The following RAB6A variants were observed in gnomAD, a reference collection of about 807,000 sequenced individuals.
The protein encoded by RAB6A is ras-related protein Rab-6A.
Under a neutral mutation model 32.3 loss-of-function variants are expected in RAB6A, and 8 were observed. The ratio of observed to expected loss-of-function variants is 0.25; its 90% confidence interval spans 0.15 to 0.45. The LOEUF is 0.45. Ranked by LOEUF, RAB6A falls within the 20% of genes least tolerant of loss-of-function variation. The pLI, the probability that RAB6A is intolerant of heterozygous loss-of-function variation, is 1.00. For missense variants in RAB6A, 104 were observed against 249.4 expected (o/e 0.42, Z 3.93); for synonymous variants, 73 against 82.1 (o/e 0.89, Z 0.60).
intron 5 of RAB6A, among the ~76,000 whole-genome samples, chr11:73,711,550 T>C (rs1197155713): frequency 6.6e-6 from 1 of 152,210 alleles, no homozygotes; most frequent in African/African-American, 2.4e-5. Context: ...ATATTACAAA[T>C]AGTGCTAGGT....
chr11:73,723,288 G>GA (rs556321352), intron 2 of RAB6A, among the ~76,000 whole-genome samples: 1 of 150,882 alleles, frequency 6.6e-6, no homozygotes, highest in Non-Finnish European at 1.5e-5. Flanking sequence ...TACTGGGGGG[G>GA]AAAAAAAGAA....
Position 73,743,304 on chromosome 11 carries a change from C to CAAAA in RAB6A, c.71-12485_71-12482dup, listed in dbSNP as rs56400918. 3.7e-3 allele frequency among the ~76,000 whole-genome samples: 387 copies of CAAAA among 103,334 alleles called. 4 individuals are homozygous for CAAAA. Among genetic ancestry groups the CAAAA allele is most frequent in the South Asian group, 0.01 (34 of 3,332 alleles). The allele number at this position is 103,334 out of a possible 152,430, so 67.8% of individuals were successfully genotyped here. A position where few individuals can be genotyped will look rare whatever the true frequency, so the allele number is the denominator to read the frequency against. ...TGATCAACAGAGCGAAACTCTGTCTCAAAAAAAAAAAAAAAAAGAGAAAAA... is the reference window on the plus strand; with the variant it reads ...TGATCAACAGAGCGAAACTCTGTCTCAAAAAAAAAAAAAAAAAAAAAGAGAAAAA... On this transcript the variant is annotated intron_variant, in intron 1 of 7. Coordinates refer to ENST00000336083, the MANE Select transcript of RAB6A (RefSeq NM_198896.2).
chr11:73,712,916 C>T (rs1945985984), intron 5 of RAB6A, among the ~76,000 whole-genome samples: 3 of 151,962 alleles, frequency 2.0e-5, no homozygotes, highest in Admixed American at 1.3e-4. Flanking sequence ...CAGGGTTTCG[C>T]TATGTTGGCC....
chr11:73,693,320 AAAGGATTT>A (rs1249701077), intron 6 of RAB6A, among the ~76,000 whole-genome samples: 5 of 151,614 alleles, frequency 3.3e-5, no homozygotes, highest in African/African-American at 4.8e-5. Flanking sequence ...ATAAATAAAT[AAAGGATTT>A]AAGGATTTAA....
intron 4 of RAB6A, 135 bp downstream of exon 4, chr11:73,718,478 T>TG (rs1175802776): frequency 2.8e-6 from 2 of 725,062 alleles, no homozygotes; most frequent in East Asian, 5.5e-5. Flanking sequence ...ATTTCTGACC[T>TG]GGCTGGTATG....
At chr11:73,736,992 A>C (rs946889746) in intron 1 of RAB6A, among the ~76,000 whole-genome samples, 114 of 150,926 alleles carry the variant, frequency 7.6e-4, no homozygotes, top group African/African-American at 2.7e-3. Context: ...AAAAAAAAAA[A>C]AAAAAGAAGA....
intron 1 of RAB6A, among the ~76,000 whole-genome samples, chr11:73,758,962 AT>A (rs1232760011): frequency 3.3e-5 from 5 of 152,156 alleles, no homozygotes; most frequent in East Asian, 1.9e-4. Context: ...GGGAGATTGT[AT>A]TTTTCCCCCC....
At chr11:73,702,182 G>T (rs1294628068) in intron 6 of RAB6A, among the ~76,000 whole-genome samples, 2 of 151,980 alleles carry the variant, frequency 1.3e-5, no homozygotes, top group Non-Finnish European at 2.9e-5. Context: ...TTTGTTTATT[G>T]AGACAGTCTT....
chr11:73,750,156 A>C (rs1324067538), intron 1 of RAB6A, among the ~76,000 whole-genome samples: 1 of 152,206 alleles, frequency 6.6e-6, no homozygotes, highest in African/African-American at 2.4e-5. Context: ...TTTCATCTCA[A>C]AAGTAAAGTT....
At chr11:73,690,509 C>CT (rs1311471558) in intron 6 of RAB6A, among the ~76,000 whole-genome samples, 1 of 151,736 alleles carries the variant, frequency 6.6e-6, no homozygotes, top group Non-Finnish European at 1.5e-5. Flanking sequence ...CCTCAGCCTC[C>CT]TGAGTAGCTA....
intron 6 of RAB6A, among the ~76,000 whole-genome samples, chr11:73,680,085 G>A (rs187775994): frequency 3.4e-4 from 52 of 151,934 alleles, no homozygotes; most frequent in Admixed American, 1.4e-3. Flanking sequence ...GCAACAGGGC[G>A]AGACTCTGTC....
intron 6 of RAB6A, among the ~76,000 whole-genome samples, chr11:73,680,073 G>A (rs1241655497): frequency 1.3e-5 from 2 of 152,074 alleles, no homozygotes; most frequent in African/African-American, 2.4e-5. Context: ...ACTCCAGCCC[G>A]GGCAACAGGG....
intron 6 of RAB6A, among the ~76,000 whole-genome samples, chr11:73,696,245 T>G (rs1008562580): frequency 2.2e-4 from 33 of 152,216 alleles, no homozygotes; most frequent in African/African-American, 7.7e-4. Context: ...TCACCCAGGC[T>G]GGAGTGCAGT....
At position 73,678,089 on chromosome 11, in the gene RAB6A, A is replaced by G. The variant is rs895084930; in HGVS notation, c.563-127T>C. 9.6e-6 allele frequency: 9 copies of G among 935,624 alleles called. No homozygotes were observed. The Admixed American group carries it at 1.7e-4, about 17-fold the overall frequency. The allele number at this position is 935,624 out of a possible 1,614,324, so 58.0% of individuals were successfully genotyped here. ...AGCCTACACACTCACTATTTTCTAC[A>G]TAGCCGCCTCACCATATAAGGTGCT... is the stretch of plus-strand genomic sequence containing the variant. On this transcript the variant is annotated intron_variant, in intron 7 of 7. Transcript: ENST00000336083.
intron 6 of RAB6A, among the ~76,000 whole-genome samples, chr11:73,702,690 T>G (rs192138519): frequency 6.6e-6 from 1 of 152,294 alleles, no homozygotes; most frequent in Admixed American, 6.5e-5. Flanking sequence ...ACAATTAAGA[T>G]TATCTAGAAA....
At chr11:73,706,351 T>G (rs1458974191) in intron 6 of RAB6A, among the ~76,000 whole-genome samples, 2 of 151,770 alleles carry the variant, frequency 1.3e-5, no homozygotes, top group East Asian at 3.9e-4. Context: ...CCGTCTCTAC[T>G]AAAAATACAA....
chr11:73,720,543 G>T (rs1452878933), intron 3 of RAB6A, among the ~76,000 whole-genome samples: 1 of 152,088 alleles, frequency 6.6e-6, no homozygotes, highest in Non-Finnish European at 1.5e-5. Context: ...AAAAAATCTT[G>T]AAGTTCACAA....
At chr11:73,717,339 C>T (rs1946067244) in intron 4 of RAB6A, among the ~76,000 whole-genome samples, 1 of 152,180 alleles carries the variant, frequency 6.6e-6, no homozygotes. Flanking sequence ...CAAGATACTA[C>T]ATCTGTGTAG....
intron 6 of RAB6A, among the ~76,000 whole-genome samples, chr11:73,693,290 A>AT (rs527356656): frequency 1.6e-3 from 243 of 149,874 alleles, no homozygotes; most frequent in Middle Eastern, 6.8e-3. Context: ...TCCGTCTCCA[A>AT]AAAATAAATA....
Sources: allele counts gnomAD v4.1 joint callset (sites outside exome capture counted in the v4.1 genomes callset), GRCh38; gene constraint gnomAD v4.1.1; transcripts MANE v1.5; gene names NCBI Gene and HGNC (gene_info 2026-07-23, HGNC 2026-07-21).